MAP3K15: variants seen among roughly 807,000 people sequenced by gnomAD.
MAP3K15 encodes mitogen-activated protein kinase kinase kinase 15.
In MAP3K15, 124 loss-of-function variants were observed where a neutral mutation model predicts 99.5. The observed-to-expected ratio is 1.25, with a 90% CI of 1.08 to 1.45. The LOEUF (loss-of-function observed/expected upper bound fraction) is 1.45, where lower values mean the gene tolerates loss of function less well. MAP3K15 is among the 40% of genes most tolerant of loss of function. The pLI, the probability that MAP3K15 is intolerant of heterozygous loss-of-function variation, is 0.00. For synonymous variants in MAP3K15, 494 were observed against 439.6 expected (o/e 1.12, Z -1.55); for missense variants, 1,242 against 1,079.7 (o/e 1.15, Z -2.11).
At position 19,415,856 on chromosome X, in the gene MAP3K15, A is replaced by T. The variant is rs1055488530; in HGVS notation, c.1440-599T>A. On this transcript the variant is annotated intron_variant, in intron 9 of 28. Transcript: ENST00000338883. ...TTAAAATGTACCAAAACTTACACAC[A>T]CACTTACAGACTGTATATGGCACCA... is the stretch of plus-strand genomic sequence containing the variant. 7.1e-5 allele frequency among the ~76,000 whole-genome samples: 8 copies of T among 112,312 alleles called. No individual in the cohort carries two copies. In the East Asian group the frequency reaches 1.4e-3, roughly 19 times the overall value.
chrX:19,444,108 G>A (rs2063978458), intron 6 of MAP3K15, among the ~76,000 whole-genome samples: 1 of 112,013 alleles, frequency 8.9e-6, no homozygotes. Flanking sequence ...GGCTGCTGGT[G>A]AGAACTTCCT....
chrX:19,371,604 A>G (rs1363323818), intron 22 of MAP3K15, 74 bp from the exon 23 acceptor site: 1 of 966,683 alleles, frequency 1.0e-6, no homozygotes, highest in African/African-American at 1.9e-5. Flanking sequence ...TGGGGGAAAC[A>G]AGATGGTCCA....
intron 1 of MAP3K15, among the ~76,000 whole-genome samples, chrX:19,498,170 G>T (rs1331619782): frequency 8.9e-6 from 1 of 111,944 alleles, no homozygotes; most frequent in Non-Finnish European, 1.9e-5. Flanking sequence ...CAATAAACTA[G>T]TTTAAATTAT....
chrX:19,480,433 T>C (rs2064280233), intron 3 of MAP3K15, among the ~76,000 whole-genome samples: 1 of 111,059 alleles, frequency 9.0e-6, no homozygotes. Context: ...TGAGCTGTGA[T>C]TGCACTACTG....
chrX:19,431,288 A>C, intron 7 of MAP3K15, 150 bp downstream of exon 7: 1 of 465,602 alleles, frequency 2.1e-6, no homozygotes, highest in Non-Finnish European at 3.4e-6. Flanking sequence ...CAAAAAGGGA[A>C]TCTGAAAATT....
At chrX:19,379,412 T>C (rs1283759308) in intron 19 of MAP3K15, among the ~76,000 whole-genome samples, 1 of 107,441 alleles carries the variant, frequency 9.3e-6, no homozygotes, top group East Asian at 2.9e-4. Flanking sequence ...ACCTACTGTC[T>C]TAAAGATATG....
chrX:19,510,073 T>C (rs763708462), intron 1 of MAP3K15, among the ~76,000 whole-genome samples: 5 of 111,488 alleles, frequency 4.5e-5, no homozygotes, highest in Admixed American at 3.8e-4. Context: ...AAAAGACCAA[T>C]AACAAGTTCT....
At chrX:19,398,479 G>T (rs2063584604) in intron 14 of MAP3K15, 120 bp from the exon 15 acceptor site, 1 of 773,055 alleles carries the variant, frequency 1.3e-6, no homozygotes, top group Non-Finnish European at 1.9e-6. Flanking sequence ...TGACTGTCAG[G>T]CAAGTCACAG....
At chrX:19,510,968 A>G (rs940879196) in intron 1 of MAP3K15, among the ~76,000 whole-genome samples, 1 of 111,967 alleles carries the variant, frequency 8.9e-6, no homozygotes, top group Non-Finnish European at 1.9e-5. Flanking sequence ...TAAAATACCA[A>G]GGAATATAGA....
rs186437403 is a variant in MAP3K15, at chrX:19,418,272, G to C, written c.1440-3015C>G. ...CTAAAGGAGGAAGTTCGAACCCATG[G>C]CAAAGAAGTTAAAAACCTTGAAAAA... On this transcript the variant is annotated intron_variant, in intron 9 of 28. Transcript: ENST00000338883. Among the ~76,000 whole-genome samples the C allele has an allele frequency of 4.5e-3, 501 of 110,942 alleles. 2 individuals carry two copies. The highest frequency in any genetic ancestry group is 0.015 in the African/African-American group (470 of 30,522).
intron 3 of MAP3K15, among the ~76,000 whole-genome samples, chrX:19,466,435 T>A (rs779262726): frequency 9.0e-6 from 1 of 110,970 alleles, no homozygotes; most frequent in South Asian, 3.9e-4. Context: ...TGAGTTCTCA[T>A]GAGACCCGAT....
chrX:19,439,424 T>C (rs2063944427), intron 6 of MAP3K15, among the ~76,000 whole-genome samples: 1 of 111,569 alleles, frequency 9.0e-6, no homozygotes, highest in Non-Finnish European at 1.9e-5. Flanking sequence ...TGGGTGTGTT[T>C]ATTTGGCCAA....
intron 3 of MAP3K15, among the ~76,000 whole-genome samples, chrX:19,465,830 G>GGTGTGTGTGTGTGTGTGTGTGTGT (rs10589040): frequency 2.1e-5 from 2 of 94,006 alleles, no homozygotes; most frequent in East Asian, 3.5e-4. Context: ...GGTGTGTAGG[G>GGTGTGTGTGTGTGTGTGTGTGTGT]GTGTGTGTGT....
chrX:19,500,301 A>G (rs906082830), intron 1 of MAP3K15, among the ~76,000 whole-genome samples: 12 of 112,032 alleles, frequency 1.1e-4, no homozygotes, highest in Middle Eastern at 4.2e-3. Context: ...GAGGTAGGGA[A>G]TGGATAGAGG....
At chrX:19,423,458 C>T (rs766786792) in intron 9 of MAP3K15, among the ~76,000 whole-genome samples, 56 of 111,383 alleles carry the variant, frequency 5.0e-4, no homozygotes, top group African/African-American at 1.8e-3. Flanking sequence ...TTGCTCTTTT[C>T]AGGCAAACTG....
At chrX:19,435,416 G>T (rs1041798293) in intron 6 of MAP3K15, among the ~76,000 whole-genome samples, 2 of 110,427 alleles carry the variant, frequency 1.8e-5, no homozygotes, top group Admixed American at 1.9e-4. Context: ...TGTAGAGACG[G>T]GGTTTCACCA....
rs774315963 is a variant in MAP3K15, at chrX:19,464,341, G to T, written c.591C>A (p.Cys197Ter). Residue 197 changes from cysteine (C) to a stop codon, truncating the protein, a stop_gained, in exon 4 of 29, where the codon TGC (cysteine) becomes TGA (stop). Transcript: ENST00000338883. LOFTEE classifies it high-confidence loss of function. ...IVTPCADYFC[C>*]ESDAQRRASE... Reference sequence around the variant, plus strand: ...AGGCTCGTCTCTGGGCATCACTCTCGCAGCAAAAATAATCAGCGCACGGTG... The same window carrying T: ...AGGCTCGTCTCTGGGCATCACTCTCTCAGCAAAAATAATCAGCGCACGGTG... 3.3e-6 allele frequency: 4 copies of T among 1,196,221 alleles called. No individual in the cohort carries two copies. The highest frequency in any genetic ancestry group is 4.5e-6 in the Non-Finnish European group (4 of 893,538).
chrX:19,508,076 C>A lies in MAP3K15; in HGVS notation c.361+6825G>T, dbSNP rs182000366. Among the ~76,000 whole-genome samples, 275 of 110,789 alleles carry A rather than the reference C, an allele frequency of 2.5e-3. 1 individual carries two copies. Among genetic ancestry groups the A allele is most frequent in the African/African-American group, 8.5e-3 (260 of 30,460 alleles). On this transcript the variant is annotated intron_variant, in intron 1 of 28. Coordinates refer to ENST00000338883, the MANE Select transcript of MAP3K15 (RefSeq NM_001001671.4). ...AGAGACAGGGTTTCACCATGTGGGCCAGGCTGGTCTCAAATTCCTGACCTC... is the reference window on the plus strand; with the variant it reads ...AGAGACAGGGTTTCACCATGTGGGCAAGGCTGGTCTCAAATTCCTGACCTC...
At chrX:19,484,128 G>T (rs940477367) in intron 3 of MAP3K15, among the ~76,000 whole-genome samples, 1 of 111,745 alleles carries the variant, frequency 8.9e-6, no homozygotes, top group Non-Finnish European at 1.9e-5. Flanking sequence ...CCAACCCCCG[G>T]GGCCATGGAC....
Sources: allele counts gnomAD v4.1 joint callset (sites outside exome capture counted in the v4.1 genomes callset), GRCh38; gene constraint gnomAD v4.1.1; transcripts MANE v1.5; gene names NCBI Gene and HGNC (gene_info 2026-07-23, HGNC 2026-07-21).